Variants in UNC13C observed in about 807,000 individuals in gnomAD.
The protein encoded by UNC13C is unc-13 homolog C, also known as protein unc-13 homolog C.
A neutral mutation model predicts 245.4 loss-of-function variants in UNC13C; 174 were observed. The observed-to-expected ratio is 0.71, with a 90% CI of 0.63 to 0.80. The LOEUF (loss-of-function observed/expected upper bound fraction) is 0.80. Ranked by LOEUF, UNC13C falls within the 30% of genes least tolerant of loss-of-function variation. The probability of loss-of-function intolerance (pLI) is 0.00; values close to 1 mark genes in which losing one functional copy is unlikely to be tolerated. For missense variants in UNC13C, 2,829 were observed against 2,602.9 expected (o/e 1.09, Z -1.89); for synonymous variants, 992 against 895.1 (o/e 1.11, Z -1.93).
intron 2 of UNC13C, among the ~76,000 whole-genome samples, chr15:54,126,167 C>G (rs1336932730): frequency 6.6e-6 from 1 of 151,904 alleles, no homozygotes; most frequent in Admixed American, 6.6e-5. Flanking sequence ...GTAAATGCAC[C>G]AAATAAAAGT....
chr15:54,498,679 A>C (rs1334883323), intron 20 of UNC13C, among the ~76,000 whole-genome samples: 1 of 152,152 alleles, frequency 6.6e-6, no homozygotes, highest in Non-Finnish European at 1.5e-5. Flanking sequence ...TAAAATCACC[A>C]CAAATAAATG....
At chr15:54,006,997 A>C (rs60129238) in intron 1 of UNC13C, among the ~76,000 whole-genome samples, 14,322 of 152,192 alleles carry the variant, frequency 0.094, 849 homozygotes, top group East Asian at 0.16. Flanking sequence ...CTCCTACCTG[A>C]TGGGAAGCTT....
intron 4 of UNC13C, among the ~76,000 whole-genome samples, chr15:54,233,978 A>G (rs944944916): frequency 6.6e-6 from 1 of 152,194 alleles, no homozygotes; most frequent in South Asian, 2.1e-4. Flanking sequence ...ATTTAATGCA[A>G]TAAAAAGTCA....
At chr15:54,286,697 A>G (rs1033175919) in intron 10 of UNC13C, among the ~76,000 whole-genome samples, 3 of 152,216 alleles carry the variant, frequency 2.0e-5, no homozygotes, top group Admixed American at 1.3e-4. Context: ...ATAAGCAATT[A>G]TAAGGAAATT....
chr15:54,356,046 T>G (rs1314975687), intron 17 of UNC13C, among the ~76,000 whole-genome samples: 1 of 152,218 alleles, frequency 6.6e-6, no homozygotes, highest in Non-Finnish European at 1.5e-5. Flanking sequence ...TGGTTTCATC[T>G]CCAATGCACT....
chr15:54,010,895 A>C (rs1895354295), intron 1 of UNC13C, among the ~76,000 whole-genome samples: 1 of 152,258 alleles, frequency 6.6e-6, no homozygotes, highest in Non-Finnish European at 1.5e-5. Context: ...TATTGAGATT[A>C]GTAATTCAGG....
At chr15:53,888,785 A>G in the UNC13C span, among the ~76,000 whole-genome samples, 6 of 152,312 alleles carry the variant, frequency 3.9e-5, no homozygotes, top group East Asian at 1.2e-3. Flanking sequence ...CAGTTTTCCC[A>G]ACACCATTTA....
chr15:53,877,448 C>A, the UNC13C span, among the ~76,000 whole-genome samples: 3 of 152,034 alleles, frequency 2.0e-5, no homozygotes, highest in Non-Finnish European at 4.4e-5. Context: ...TAGGGTTAAT[C>A]CAGCCAAAAC....
chr15:54,223,244 T>C (rs2035280767), intron 4 of UNC13C, among the ~76,000 whole-genome samples: 1 of 152,198 alleles, frequency 6.6e-6, no homozygotes. Context: ...TTTAAGTCTT[T>C]AATCCATTTT....
At chr15:54,519,040 C>G (rs1895102775) in intron 24 of UNC13C, among the ~76,000 whole-genome samples, 1 of 152,116 alleles carries the variant, frequency 6.6e-6, no homozygotes, top group Non-Finnish European at 1.5e-5. Flanking sequence ...TCTAAGAATG[C>G]AGCTCTTCAG....
chr15:54,366,003 G>A (rs983114789), intron 17 of UNC13C, among the ~76,000 whole-genome samples: 1 of 152,138 alleles, frequency 6.6e-6, no homozygotes, highest in Admixed American at 6.5e-5. Flanking sequence ...CGGAAAAAGT[G>A]TTCCAGGAGA....
intron 4 of UNC13C, among the ~76,000 whole-genome samples, chr15:54,225,708 G>A (rs2035361468): frequency 6.6e-6 from 1 of 152,188 alleles, no homozygotes. Context: ...AAGCTTTTGG[G>A]CTGACAAGAT....
chr15:54,464,212 C>T (rs1486908777), intron 19 of UNC13C, among the ~76,000 whole-genome samples: 2 of 151,990 alleles, frequency 1.3e-5, no homozygotes. Context: ...CTGAATTTTC[C>T]TTTTTAATAA....
intron 4 of UNC13C, among the ~76,000 whole-genome samples, chr15:54,173,017 C>A (rs1468702852): frequency 6.6e-6 from 1 of 151,544 alleles, no homozygotes; most frequent in Non-Finnish European, 1.5e-5. Flanking sequence ...ATTATCTTGG[C>A]ACTTCTGTTG....
At chr15:54,629,749 C>CAATT (rs149405153), downstream of UNC13C, 10 of 151,552 alleles carry the variant, frequency 6.6e-5, no homozygotes, top group Non-Finnish European at 1.5e-4. Context: ...GAGTAAAAGG[C>CAATT]AGTTAGGATT....
intron 13 of UNC13C, among the ~76,000 whole-genome samples, chr15:54,319,046 C>G (rs1292146573): frequency 6.6e-6 from 1 of 151,936 alleles, no homozygotes; most frequent in South Asian, 2.1e-4. Flanking sequence ...CTTTCTAAAA[C>G]CAAGAACAAG....
chr15:54,551,276 C>T (rs950598285), intron 28 of UNC13C, among the ~76,000 whole-genome samples: 2 of 152,036 alleles, frequency 1.3e-5, no homozygotes, highest in African/African-American at 4.8e-5. Flanking sequence ...TTTTGAACTT[C>T]AAATCTTGTA....
chr15:54,176,743 G>T (rs973017481), intron 4 of UNC13C, among the ~76,000 whole-genome samples: 1 of 152,008 alleles, frequency 6.6e-6, no homozygotes, highest in Non-Finnish European at 1.5e-5. Flanking sequence ...TTTGACATGG[G>T]TTTAATATTT....
intron 19 of UNC13C, among the ~76,000 whole-genome samples, chr15:54,441,149 A>G (rs1220781962): frequency 6.6e-6 from 1 of 152,026 alleles, no homozygotes; most frequent in Non-Finnish European, 1.5e-5. Flanking sequence ...GCTCTGCAGA[A>G]GTATTTTAGA....
Sources: allele counts gnomAD v4.1 joint callset (sites outside exome capture counted in the v4.1 genomes callset), GRCh38; gene constraint gnomAD v4.1.1; transcripts MANE v1.5; gene names NCBI Gene and HGNC (gene_info 2026-07-23, HGNC 2026-07-21).